PAX5: variants seen among roughly 807,000 people sequenced by gnomAD.
The protein encoded by PAX5 is paired box protein Pax-5.
A neutral mutation model predicts 43.7 loss-of-function variants in PAX5; 9 were observed. That is an observed-to-expected ratio of 0.21 (90% CI 0.12 to 0.36). PAX5 has a LOEUF of 0.36. Ranked by LOEUF, PAX5 falls within the 10% of genes least tolerant of loss-of-function variation. PAX5 has a pLI of 1.00. For missense variants in PAX5, 383 were observed against 532.7 expected (o/e 0.72, Z 2.77); for synonymous variants, 228 against 214.3 (o/e 1.06, Z -0.56).
rs116851415 is a variant in PAX5 at position 36,977,162 on chromosome 9, C to T, written c.605-10438G>A. Among the ~76,000 whole-genome samples the T allele has an allele frequency of 3.4e-3, 523 of 152,258 alleles. 2 individuals carry two copies. The highest frequency in any genetic ancestry group is 5.2e-3 in the Non-Finnish European group (353 of 68,014). On this transcript the variant is annotated intron_variant, in intron 5 of 9. Coordinates refer to ENST00000358127, the MANE Select transcript of PAX5 (RefSeq NM_016734.3). ...CAGACCCTATTCAGAGCTCACTCTG[C>T]GAGACACTGTTCTAAGCACCTTCCC... is the stretch of plus-strand genomic sequence containing the variant.
At chr9:37,004,257 T>G (rs897978454) in intron 4 of PAX5, among the ~76,000 whole-genome samples, 8 of 152,346 alleles carry the variant, frequency 5.3e-5, no homozygotes, top group African/African-American at 1.9e-4. Context: ...TCACATTAAC[T>G]TCTGGCCCCA....
intron 8 of PAX5, among the ~76,000 whole-genome samples, chr9:36,854,986 C>T (rs999598243): frequency 5.9e-5 from 9 of 152,356 alleles, no homozygotes; most frequent in Non-Finnish European, 7.3e-5. Flanking sequence ...GCCAGCTGTG[C>T]GGTGGCCAAG....
chr9:36,884,886 A>C (rs1826782884), intron 7 of PAX5, among the ~76,000 whole-genome samples: 1 of 152,150 alleles, frequency 6.6e-6, no homozygotes, highest in South Asian at 2.1e-4. Context: ...CTCCCAGCCC[A>C]CCAGGATGGC....
chr9:36,944,046 C>G (rs1422537826), intron 6 of PAX5, among the ~76,000 whole-genome samples: 1 of 152,036 alleles, frequency 6.6e-6, no homozygotes, highest in Non-Finnish European at 1.5e-5. Flanking sequence ...CAGCCAGGTA[C>G]TTTGGTGCAC....
chr9:36,839,726 T>A lies in PAX5; in HGVS notation c.*834A>T. The stretch of plus-strand genomic sequence containing the variant: ...CAGCCCTCACATTCAAAGTCCACAA[T>A]GTAATCAATACCTCGGATGACATTC... On this transcript the variant is annotated 3_prime_UTR_variant, in exon 10 of 10. Coordinates refer to ENST00000358127, the MANE Select transcript of PAX5 (RefSeq NM_016734.3). 4.3e-6 allele frequency: 1 copy of A among 233,364 alleles called. No homozygotes were observed. Among genetic ancestry groups the A allele is most frequent in the Non-Finnish European group, 8.5e-6 (1 of 118,100 alleles). 14.5% of individuals were successfully genotyped at this position (233,364 alleles called of 1,614,324 possible).
chr9:37,010,404 C>T (rs1344875002), intron 3 of PAX5, among the ~76,000 whole-genome samples: 1 of 152,200 alleles, frequency 6.6e-6, no homozygotes, highest in Non-Finnish European at 1.5e-5. Context: ...GACTCCCAGC[C>T]CCCATGCCCC....
chr9:37,019,350 T>C (rs1839665114), intron 2 of PAX5, among the ~76,000 whole-genome samples: 1 of 152,180 alleles, frequency 6.6e-6, no homozygotes, highest in Admixed American at 6.5e-5. Context: ...TGGGGTTCAT[T>C]TGCTGAGTGC....
At chr9:36,895,121 C>G (rs1226586601) in intron 7 of PAX5, among the ~76,000 whole-genome samples, 1 of 152,230 alleles carries the variant, frequency 6.6e-6, no homozygotes, top group Non-Finnish European at 1.5e-5. Context: ...TTCATTTGTG[C>G]TAAACCTCTG....
At chr9:36,870,727 AG>A (rs1825409309) in intron 8 of PAX5, among the ~76,000 whole-genome samples, 1 of 152,220 alleles carries the variant, frequency 6.6e-6, no homozygotes. Flanking sequence ...ACTTTCATTT[AG>A]GATCCTGTGG....
rs1821815956 is a variant in PAX5 at position 36,838,699 on chromosome 9, C to A, written c.*1861G>T. ...TTGGGCCTCAGGTGCCCACCCCCATCTGCTTGCTTGGAAGTGGAGGGCCTG... is the reference window on the plus strand; with the variant it reads ...TTGGGCCTCAGGTGCCCACCCCCATATGCTTGCTTGGAAGTGGAGGGCCTG... On this transcript the variant is annotated 3_prime_UTR_variant, in exon 10 of 10. Transcript: ENST00000358127. The A allele has an allele frequency of 4.3e-6, 1 of 233,228 alleles. No individual in the cohort carries two copies. Among genetic ancestry groups the A allele is most frequent in the East Asian group, 6.0e-5 (1 of 16,562 alleles). 14.4% of individuals were successfully genotyped at this position (233,228 alleles called of 1,614,324 possible). A position where few individuals can be genotyped will look rare whatever the true frequency, so the allele number is the denominator to read the frequency against.
At chr9:36,929,235 G>GAGGAAGGAAGGAAGGA (rs56223123) in intron 6 of PAX5, among the ~76,000 whole-genome samples, 1 of 134,354 alleles carries the variant, frequency 7.4e-6, no homozygotes, top group African/African-American at 2.8e-5. Flanking sequence ...AGGAAGGAAG[G>GAGGAAGGAAGGAAGGA]AGGAAGGAAG....
At chr9:36,898,272 A>C (rs1828044761) in intron 7 of PAX5, among the ~76,000 whole-genome samples, 1 of 152,232 alleles carries the variant, frequency 6.6e-6, no homozygotes, top group Non-Finnish European at 1.5e-5. Context: ...CAGCCCAGCC[A>C]ACTGCATATT....
chr9:37,002,988 A>T (rs1181246692), intron 4 of PAX5: 1 of 561,204 alleles, frequency 1.8e-6, no homozygotes. Flanking sequence ...CGATGGGGGG[A>T]GAAAGGGAAG....
chr9:36,867,899 A>T (rs1825053950), intron 8 of PAX5, among the ~76,000 whole-genome samples: 1 of 152,152 alleles, frequency 6.6e-6, no homozygotes, highest in South Asian at 2.1e-4. Flanking sequence ...TTCAGGGAGG[A>T]CATCTGGGCT....
At chr9:36,995,635 CCT>C (rs1353051431) in intron 5 of PAX5, among the ~76,000 whole-genome samples, 5 of 152,068 alleles carry the variant, frequency 3.3e-5, no homozygotes, top group Non-Finnish European at 5.9e-5. Flanking sequence ...ACAGAGCCAT[CCT>C]CTCTCTCTAG....
At chr9:36,859,631 C>A (rs900155630) in intron 8 of PAX5, among the ~76,000 whole-genome samples, 1 of 152,212 alleles carries the variant, frequency 6.6e-6, no homozygotes, top group African/African-American at 2.4e-5. Flanking sequence ...CCGCAAATTC[C>A]TGTAAGTTTT....
chr9:36,965,978 G>A (rs1834390902), intron 6 of PAX5, among the ~76,000 whole-genome samples: 1 of 152,198 alleles, frequency 6.6e-6, no homozygotes, highest in South Asian at 2.1e-4. Flanking sequence ...GCCAGGGCTG[G>A]TCCTCCTGCT....
rs866547402 is a variant in PAX5, at chr9:36,943,534, A to T, written c.781-20050T>A. ...ATTTGTGGATTAGTTCAACATACAC[A>T]CACACACACACACACACACACACAC... On this transcript the variant is annotated intron_variant, in intron 6 of 9. Coordinates refer to ENST00000358127, the MANE Select transcript of PAX5 (RefSeq NM_016734.3). Among the ~76,000 whole-genome samples the T allele has an allele frequency of 7.0e-3, 1,053 of 150,472 alleles. 7 individuals carry two copies. The highest frequency in any genetic ancestry group is 7.4e-3 in the Non-Finnish European group (497 of 67,584).
At chr9:36,956,337 T>A (rs1201702074) in intron 6 of PAX5, among the ~76,000 whole-genome samples, 5 of 152,216 alleles carry the variant, frequency 3.3e-5, no homozygotes, top group Non-Finnish European at 5.9e-5. Context: ...AGAATTTGCC[T>A]GTCATCAAAA....
Sources: allele counts gnomAD v4.1 joint callset (sites outside exome capture counted in the v4.1 genomes callset), GRCh38; gene constraint gnomAD v4.1.1; transcripts MANE v1.5; gene names NCBI Gene and HGNC (gene_info 2026-07-23, HGNC 2026-07-21).